The following MAGI2 variants were observed in gnomAD, a reference collection of about 807,000 sequenced individuals.
MAGI2 encodes the protein membrane-associated guanylate kinase, WW and PDZ domain-containing protein 2.
Under a neutral mutation model 133.3 loss-of-function variants are expected in MAGI2, and 35 were observed. The observed-to-expected ratio is 0.26, with a 90% CI of 0.20 to 0.35. The LOEUF is 0.35. Among genes scored for constraint, MAGI2 ranks in the 10% least tolerant of loss-of-function variants. The probability of loss-of-function intolerance (pLI) is 1.00; values close to 1 mark genes in which losing one functional copy is unlikely to be tolerated. For missense variants in MAGI2, 1,636 were observed against 1,863.4 expected, an observed-to-expected ratio of 0.88 and a Z score of 2.25; for synonymous variants, 729 against 710.6, an observed-to-expected ratio of 1.03 and a Z score of -0.41.
chr7:79,258,482 T>G (rs964530751), intron 1 of MAGI2, among the ~76,000 whole-genome samples: 2 of 152,120 alleles, frequency 1.3e-5, no homozygotes, highest in Admixed American at 1.3e-4. Context: ...CTTGCTCATC[T>G]CTCCATCTTT....
In MAGI2 at chr7:79,345,891, C is replaced by T. The variant is rs553845842; in HGVS notation, c.301+107129G>A. ...AAAATCACCCCTTATCCATTATTTC[C>T]ACTGTTGCACAGAAAACTGCCAAAT... On this transcript the variant is annotated intron_variant, in intron 1 of 21. Coordinates refer to ENST00000354212, the MANE Select transcript of MAGI2 (RefSeq NM_012301.4). 6.6e-5 allele frequency among the ~76,000 whole-genome samples: 10 copies of T among 152,120 alleles called. No homozygotes were observed. The East Asian group carries it at 1.7e-3, about 26-fold the overall frequency.
At chr7:79,186,306 C>T (rs1282814888) in intron 1 of MAGI2, among the ~76,000 whole-genome samples, 2 of 146,868 alleles carry the variant, frequency 1.4e-5, no homozygotes, top group East Asian at 4.0e-4. Flanking sequence ...TAATGAGCGA[C>T]CATGCACTTA....
intron 2 of MAGI2, among the ~76,000 whole-genome samples, chr7:78,644,774 A>G (rs1430884465): frequency 1.3e-5 from 2 of 152,174 alleles, no homozygotes; most frequent in African/African-American, 4.8e-5. Context: ...GAAAGGGAAT[A>G]ATAAAAATCA....
chr7:79,391,670 G>A (rs972032534), intron 1 of MAGI2, among the ~76,000 whole-genome samples: 1 of 150,932 alleles, frequency 6.6e-6, no homozygotes, highest in Non-Finnish European at 1.5e-5. Context: ...CGTCATGTAG[G>A]TGTTTTTTGT....
intron 10 of MAGI2, among the ~76,000 whole-genome samples, chr7:78,231,187 C>T (rs1207584385): frequency 1.3e-5 from 2 of 152,174 alleles, no homozygotes; most frequent in East Asian, 3.9e-4. Flanking sequence ...CCTTAAGGAG[C>T]CAGGTGCTGC....
intron 18 of MAGI2, among the ~76,000 whole-genome samples, chr7:78,130,483 A>C (rs1227015280): frequency 6.6e-6 from 1 of 152,226 alleles, no homozygotes; most frequent in Non-Finnish European, 1.5e-5. Context: ...AGACATCTCC[A>C]GCCTGATCTA....
At chr7:78,029,285 T>C (rs1439933594) in intron 21 of MAGI2, among the ~76,000 whole-genome samples, 1 of 152,192 alleles carries the variant, frequency 6.6e-6, no homozygotes, top group African/African-American at 2.4e-5. Flanking sequence ...TTTGGGAATG[T>C]GGGGATGCCT....
chr7:78,933,688 CA>C (rs964552186), intron 2 of MAGI2, among the ~76,000 whole-genome samples: 2 of 151,848 alleles, frequency 1.3e-5, no homozygotes, highest in African/African-American at 4.8e-5. Context: ...ATTAACACTG[CA>C]AAAAAAGTGC....
chr7:79,383,768 A>AT (rs1223797356), intron 1 of MAGI2, among the ~76,000 whole-genome samples: 1 of 151,528 alleles, frequency 6.6e-6, no homozygotes, highest in Non-Finnish European at 1.5e-5. Flanking sequence ...ATTTTGTCAG[A>AT]TAGCAAAATA....
At chr7:79,263,855 GT>G (rs1328992689) in intron 1 of MAGI2, among the ~76,000 whole-genome samples, 1 of 152,042 alleles carries the variant, frequency 6.6e-6, no homozygotes, top group African/African-American at 2.4e-5. Flanking sequence ...GATATTTTGT[GT>G]TTAGAGATTT....
At chr7:78,914,996 A>G (rs1393702783) in intron 2 of MAGI2, among the ~76,000 whole-genome samples, 1 of 152,174 alleles carries the variant, frequency 6.6e-6, no homozygotes, top group Non-Finnish European at 1.5e-5. Context: ...TTTCAAATAT[A>G]GAAAAAATGA....
At chr7:78,981,402 G>T (rs1465998857) in intron 2 of MAGI2, among the ~76,000 whole-genome samples, 2 of 151,380 alleles carry the variant, frequency 1.3e-5, no homozygotes, top group Non-Finnish European at 2.9e-5. Flanking sequence ...TCTTCTGATG[G>T]ATATTTAAAG....
At chr7:78,115,167 G>C (rs1339519077) in intron 20 of MAGI2, among the ~76,000 whole-genome samples, 2 of 152,142 alleles carry the variant, frequency 1.3e-5, no homozygotes, top group Admixed American at 6.5e-5. Context: ...GCTGATTCCT[G>C]GGAACCTTGA....
At chr7:78,075,733 G>A (rs1815218822) in intron 21 of MAGI2, among the ~76,000 whole-genome samples, 1 of 152,128 alleles carries the variant, frequency 6.6e-6, no homozygotes, top group Non-Finnish European at 1.5e-5. Flanking sequence ...AGGCCTCCTA[G>A]AAAATCTCTA....
At chr7:79,073,818 G>T (rs949198606) in intron 1 of MAGI2, among the ~76,000 whole-genome samples, 14 of 149,882 alleles carry the variant, frequency 9.3e-5, no homozygotes, top group African/African-American at 3.2e-4. Context: ...GACCATACTA[G>T]ATTTCGTAGA....
At chr7:78,468,987 A>G (rs1475168671) in intron 6 of MAGI2, among the ~76,000 whole-genome samples, 1 of 152,196 alleles carries the variant, frequency 6.6e-6, no homozygotes, top group African/African-American at 2.4e-5. Flanking sequence ...TTCCTTGCCT[A>G]AACAATCCTT....
rs377390532 is a variant in MAGI2 at position 78,909,117 on chromosome 7, GA to G, written c.418+97972del. On this transcript the variant is annotated intron_variant, in intron 2 of 21. Coordinates refer to ENST00000354212, the MANE Select transcript of MAGI2 (RefSeq NM_012301.4). ...ACAAGGAACTTAAACAAATGTACAA[GA>G]AAAAAAAAAAAAACCCCATCAAAAA... is the stretch of plus-strand genomic sequence containing the variant. Among the ~76,000 whole-genome samples the G allele has an allele frequency of 4.3e-3, 474 of 110,382 alleles. 1 individual carries two copies. The highest frequency in any genetic ancestry group is 0.01 in the African/African-American group (295 of 29,342). The allele number at this position is 110,382 out of a possible 152,430, so 72.4% of individuals were successfully genotyped here. A position where few individuals can be genotyped will look rare whatever the true frequency, so the allele number is the denominator to read the frequency against.
At chr7:79,254,046 C>G (rs1227084010) in intron 1 of MAGI2, among the ~76,000 whole-genome samples, 3 of 152,036 alleles carry the variant, frequency 2.0e-5, no homozygotes, top group Non-Finnish European at 2.9e-5. Context: ...TATAAACATA[C>G]TTTTATCCTC....
chr7:79,086,140 C>T (rs1170964927), intron 1 of MAGI2, among the ~76,000 whole-genome samples: 2 of 151,886 alleles, frequency 1.3e-5, no homozygotes, highest in Non-Finnish European at 2.9e-5. Flanking sequence ...GATGCCCCCT[C>T]AGGCAGCTGT....
Sources: gnomAD v4.1 joint callset for allele counts (sites outside exome capture counted in the v4.1 genomes callset) on GRCh38, gnomAD v4.1.1 for gene constraint, MANE v1.5 for transcripts, NCBI Gene and HGNC (gene_info 2026-07-23, HGNC 2026-07-21) for gene names.